Variants in HPSE2 observed in about 807,000 individuals in gnomAD.
HPSE2 encodes the protein inactive heparanase-2.
A neutral mutation model predicts 60.5 loss-of-function variants in HPSE2; 38 were observed. That is an observed-to-expected ratio of 0.63 (90% confidence interval 0.48 to 0.82). HPSE2 has a LOEUF of 0.82. Ranked by LOEUF, HPSE2 falls within the 40% of genes least tolerant of loss-of-function variation. HPSE2 has a pLI of 0.00. For missense variants in HPSE2, 713 were observed against 740.4 expected, an observed-to-expected ratio of 0.96 and a Z score of 0.43; for synonymous variants, 295 against 293.2, an observed-to-expected ratio of 1.01 and a Z score of -0.06.
intron 11 of HPSE2, among the ~76,000 whole-genome samples, chr10:98,464,004 C>G (rs1376683338): frequency 6.6e-6 from 1 of 152,066 alleles, no homozygotes; most frequent in African/African-American, 2.4e-5. Context: ...GTAATCCCAG[C>G]TACTCAGGAG....
chr10:98,478,560 C>T lies in HPSE2; in HGVS notation c.1613+4076G>A, dbSNP rs757807607. 5.9e-5 allele frequency among the ~76,000 whole-genome samples: 9 copies of T among 152,220 alleles called. No individual in the cohort carries two copies. The South Asian group carries it at 8.3e-4, about 14-fold the overall frequency. On this transcript the variant is annotated intron_variant, in intron 11 of 11. Coordinates refer to ENST00000370552, the MANE Select transcript of HPSE2 (RefSeq NM_021828.5). Reference sequence around the variant, plus strand: ...CTCCTGAGAAAGCCTATCCTGACCTCGGTCAGACCAGGCAAGCCTTTGGAA... The same window carrying T: ...CTCCTGAGAAAGCCTATCCTGACCTTGGTCAGACCAGGCAAGCCTTTGGAA...
At chr10:99,170,241 C>T (rs1276624381) in intron 2 of HPSE2, among the ~76,000 whole-genome samples, 2 of 152,180 alleles carry the variant, frequency 1.3e-5, no homozygotes, top group African/African-American at 2.4e-5. Flanking sequence ...CTGTATCACC[C>T]AGCAGAACAA....
chr10:99,122,538 GA>G (rs1310290888), intron 3 of HPSE2, among the ~76,000 whole-genome samples: 3 of 151,340 alleles, frequency 2.0e-5, no homozygotes, highest in Admixed American at 6.6e-5. Context: ...CTTTACACCA[GA>G]AAAAAACTTA....
chr10:98,837,596 C>T (rs939122817), intron 3 of HPSE2, among the ~76,000 whole-genome samples: 8 of 152,232 alleles, frequency 5.3e-5, no homozygotes, highest in South Asian at 2.1e-4. Context: ...AACCTCCGGC[C>T]GGGCGTGGTG....
rs938337308 is a variant in HPSE2 at position 98,457,386 on chromosome 10, C to G, written c.*2188G>C. On this transcript the variant is annotated 3_prime_UTR_variant, in exon 12 of 12. Transcript: ENST00000370552. ...GCTCGGCAACCCATTTCCCCGGGTGCCCCTGGGCGAGCCATGGATCCTCTC... is the reference window on the plus strand; with the variant it reads ...GCTCGGCAACCCATTTCCCCGGGTGGCCCTGGGCGAGCCATGGATCCTCTC... The G allele has an allele frequency of 6.6e-5, 10 of 152,144 alleles. No individual in the cohort carries two copies. The highest frequency in any genetic ancestry group is 5.2e-4 in the Admixed American group (8 of 15,274). The allele number at this position is 152,144 out of a possible 1,614,324, so 9.4% of individuals were successfully genotyped here. A position where few individuals can be genotyped will look rare whatever the true frequency, so the allele number is the denominator to read the frequency against.
intron 3 of HPSE2, among the ~76,000 whole-genome samples, chr10:98,948,902 A>C (rs2135185306): frequency 6.6e-6 from 1 of 152,306 alleles, no homozygotes; most frequent in African/African-American, 2.4e-5. Flanking sequence ...CTTTATTATA[A>C]GAATATACAA....
chr10:99,289,290 C>T, the HPSE2 span, among the ~76,000 whole-genome samples: 2 of 151,912 alleles, frequency 1.3e-5, no homozygotes, highest in African/African-American at 4.8e-5. Flanking sequence ...AAACAATTTA[C>T]GTGGCTGCAA....
In HPSE2 at chr10:99,085,144, C is replaced by T. The variant is rs115169796; in HGVS notation, c.610+59094G>A. ...AGAGTGAGATGCTAGTGTGCTTTGGCACTGCCCAGCAGCAGCAAAGACAAA... is the reference window on the plus strand; with the variant it reads ...AGAGTGAGATGCTAGTGTGCTTTGGTACTGCCCAGCAGCAGCAAAGACAAA... On this transcript the variant is annotated intron_variant, in intron 3 of 11. Coordinates refer to ENST00000370552, the MANE Select transcript of HPSE2 (RefSeq NM_021828.5). Among the ~76,000 whole-genome samples the T allele has an allele frequency of 6.6e-3, 1,004 of 152,314 alleles. 10 individuals are homozygous for T. The highest frequency in any genetic ancestry group is 0.023 in the African/African-American group (942 of 41,560).
intron 3 of HPSE2, among the ~76,000 whole-genome samples, chr10:98,956,467 C>CG (rs1366769057): frequency 6.6e-6 from 1 of 152,104 alleles, no homozygotes; most frequent in African/African-American, 2.4e-5. Flanking sequence ...TTAAAAGAAG[C>CG]ATAGAGGTAG....
chr10:99,191,062 AG>A (rs915723658), intron 2 of HPSE2, among the ~76,000 whole-genome samples: 4 of 152,100 alleles, frequency 2.6e-5, no homozygotes, highest in African/African-American at 9.7e-5. Context: ...GGAAAGAAGA[AG>A]GGGAAGGACT....
rs138496094 is a variant in HPSE2, at chr10:98,603,955, C to G, written c.1320+10949G>C. ...AATACTGAAAAACACTTGTGAAGTT[C>G]ACAGTCCAAAGGCACAGGCTCACAA... On this transcript the variant is annotated intron_variant, in intron 9 of 11. Coordinates refer to ENST00000370552, the MANE Select transcript of HPSE2 (RefSeq NM_021828.5). 5.8e-3 allele frequency among the ~76,000 whole-genome samples: 883 copies of G among 152,254 alleles called. 9 individuals are homozygous for G. The highest frequency in any genetic ancestry group is 0.02 in the African/African-American group (850 of 41,542).
intron 3 of HPSE2, among the ~76,000 whole-genome samples, chr10:98,852,684 G>A (rs555787831): frequency 1.8e-4 from 27 of 152,206 alleles, no homozygotes; most frequent in African/African-American, 5.5e-4. Context: ...CTTCAATCAC[G>A]CCTATTCAAT....
intron 9 of HPSE2, among the ~76,000 whole-genome samples, chr10:98,494,423 C>T (rs61874874): frequency 1.3e-5 from 2 of 152,186 alleles, no homozygotes; most frequent in African/African-American, 4.8e-5. Context: ...GATAAAAACA[C>T]TTTTAAATAA....
chr10:98,694,248 A>T (rs888686354), intron 5 of HPSE2, among the ~76,000 whole-genome samples: 1 of 152,170 alleles, frequency 6.6e-6, no homozygotes, highest in African/African-American at 2.4e-5. Flanking sequence ...TCCCACATCA[A>T]TTTCCTCATA....
chr10:99,175,210 G>A (rs904337815), intron 2 of HPSE2, among the ~76,000 whole-genome samples: 1 of 152,180 alleles, frequency 6.6e-6, no homozygotes, highest in African/African-American at 2.4e-5. Context: ...CACCAAGCTA[G>A]CTGCAGGAGT....
chr10:98,978,442 AC>A (rs1379046979), intron 3 of HPSE2, among the ~76,000 whole-genome samples: 1 of 152,190 alleles, frequency 6.6e-6, no homozygotes, highest in Non-Finnish European at 1.5e-5. Context: ...AATATTAATT[AC>A]AAGTATTAGG....
chr10:99,132,828 T>G (rs1214538234), intron 3 of HPSE2, among the ~76,000 whole-genome samples: 1 of 152,132 alleles, frequency 6.6e-6, no homozygotes, highest in Non-Finnish European at 1.5e-5. Context: ...AGATAACGAA[T>G]TAGGTGCAGG....
chr10:98,511,300 G>A (rs1338077456), intron 9 of HPSE2, among the ~76,000 whole-genome samples: 2 of 151,850 alleles, frequency 1.3e-5, no homozygotes, highest in Non-Finnish European at 2.9e-5. Flanking sequence ...ACAGACACAT[G>A]CCACCACGTC....
intron 3 of HPSE2, among the ~76,000 whole-genome samples, chr10:98,897,789 G>A (rs1348437887): frequency 1.3e-5 from 2 of 152,112 alleles, no homozygotes; most frequent in East Asian, 3.9e-4. Context: ...GTTTGGTAAT[G>A]AGTTTTAGAT....
Sources: allele counts gnomAD v4.1 joint callset (sites outside exome capture counted in the v4.1 genomes callset), GRCh38; gene constraint gnomAD v4.1.1; transcripts MANE v1.5; gene names NCBI Gene and HGNC (gene_info 2026-07-23, HGNC 2026-07-21).